Variants in SPINT2 observed in about 807,000 individuals in gnomAD.
The protein encoded by SPINT2 is serine peptidase inhibitor, Kunitz type 2.
SPINT2 carries 18 observed loss-of-function variants against 30.1 expected under a neutral mutation model. That is an observed-to-expected ratio of 0.60 (90% CI 0.41 to 0.89). The LOEUF (loss-of-function observed/expected upper bound fraction) is 0.89. SPINT2 is among the 40% of genes least tolerant of loss of function. The probability of loss-of-function intolerance (pLI) is 0.00; values close to 1 mark genes in which losing one functional copy is unlikely to be tolerated. For synonymous variants in SPINT2, 139 were observed against 137.9 expected (o/e 1.01, Z -0.05); for missense variants, 276 against 334.3 (o/e 0.83, Z 1.36).
At chr19:38,286,812 A>T (rs1968647505) in intron 2 of SPINT2, among the ~76,000 whole-genome samples, 1 of 152,016 alleles carries the variant, frequency 6.6e-6, no homozygotes, top group African/African-American at 2.4e-5. Context: ...GTTAACCTTT[A>T]AAAAAAGTGT....
At chr19:38,285,490 G>A (rs1360147365) in intron 2 of SPINT2, among the ~76,000 whole-genome samples, 12 of 152,064 alleles carry the variant, frequency 7.9e-5, no homozygotes, top group South Asian at 2.1e-4. Flanking sequence ...GACTACAGGC[G>A]TGCACCTCCA....
At chr19:38,267,955 C>T (rs1432654305) in intron 1 of SPINT2, among the ~76,000 whole-genome samples, 3 of 151,996 alleles carry the variant, frequency 2.0e-5, no homozygotes, top group African/African-American at 4.8e-5. Context: ...GGAAGGGCCC[C>T]AGGAGGTGTG....
At chr19:38,276,634 T>A (rs1968521943) in intron 1 of SPINT2, among the ~76,000 whole-genome samples, 1 of 151,600 alleles carries the variant, frequency 6.6e-6, no homozygotes, top group African/African-American at 2.4e-5. Flanking sequence ...AGAGCGAGAC[T>A]CCATCTCAAA....
chr19:38,275,661 G>A (rs1968508124), intron 1 of SPINT2, among the ~76,000 whole-genome samples: 1 of 151,868 alleles, frequency 6.6e-6, no homozygotes. Flanking sequence ...GACCTCAAAT[G>A]ATCCTCCTGC....
At position 38,292,390 on chromosome 19, in the gene SPINT2, C is replaced by A. The variant is rs1047592; in HGVS notation, c.*384C>A. On this transcript the variant is annotated 3_prime_UTR_variant, in exon 7 of 7. Coordinates refer to ENST00000301244, the MANE Select transcript of SPINT2 (RefSeq NM_021102.4). Reference sequence around the variant, plus strand: ...TAAACAAAAGTTTTTTATTAGCATTCTGAAAGAAGGAAAGTAAAATGTACA... The same window carrying A: ...TAAACAAAAGTTTTTTATTAGCATTATGAAAGAAGGAAAGTAAAATGTACA... The A allele has an allele frequency of 5.8e-6, 1 of 173,846 alleles. No homozygotes were observed. The highest frequency in any genetic ancestry group is 1.5e-4 in the East Asian group (1 of 6,536). 10.8% of individuals were successfully genotyped at this position (173,846 alleles called of 1,614,324 possible). A position where few individuals can be genotyped will look rare whatever the true frequency, so the allele number is the denominator to read the frequency against.
chr19:38,268,995 T>C (rs1254207128), intron 1 of SPINT2, among the ~76,000 whole-genome samples: 1 of 152,226 alleles, frequency 6.6e-6, no homozygotes, highest in Admixed American at 6.5e-5. Flanking sequence ...CAGTTAGGTG[T>C]AGTTCTTGCT....
chr19:38,289,224 C>T, intron 4 of SPINT2, 33 bp downstream of exon 4: 1 of 1,602,480 alleles, frequency 6.2e-7, no homozygotes, highest in Non-Finnish European at 8.5e-7. Context: ...TGCGGTGGCT[C>T]ACACCTGTAA....
intron 1 of SPINT2, 81 bp downstream of exon 1, chr19:38,265,079 C>A: frequency 9.4e-7 from 1 of 1,062,654 alleles, no homozygotes; most frequent in South Asian, 2.1e-5. Context: ...GCAGGGAGAA[C>A]TGGCGGGGGA....
intron 6 of SPINT2, chr19:38,291,118 C>T (rs1218677347): frequency 4.9e-6 from 1 of 202,762 alleles, no homozygotes; most frequent in East Asian, 1.2e-4. Context: ...GCGAGTCTGT[C>T]CTGTTCTAGC....
intron 1 of SPINT2, among the ~76,000 whole-genome samples, chr19:38,267,168 T>C (rs1968389144): frequency 1.3e-5 from 2 of 152,222 alleles, no homozygotes; most frequent in Non-Finnish European, 2.9e-5. Context: ...TACTGACCTT[T>C]CAGAAGTACT....
chr19:38,292,222 C>G lies in SPINT2; in HGVS notation c.*216C>G. 3.5e-6 allele frequency: 2 copies of G among 577,108 alleles called. No individual in the cohort carries two copies. Among genetic ancestry groups the G allele is most frequent in the Middle Eastern group, 4.8e-4 (1 of 2,090 alleles). The allele number at this position is 577,108 out of a possible 1,614,324, so 35.7% of individuals were successfully genotyped here. On this transcript the variant is annotated 3_prime_UTR_variant, in exon 7 of 7. Transcript: ENST00000301244. The stretch of plus-strand genomic sequence containing the variant: ...ATGGCCTGCAGTCTGGCAGCAGCCC[C>G]GAGTTGTTTCCTCGCTGATCGATTT...
At chr19:38,273,720 G>T (rs1256576517) in intron 1 of SPINT2, among the ~76,000 whole-genome samples, 1 of 152,164 alleles carries the variant, frequency 6.6e-6, no homozygotes. Context: ...GTTTGCCATT[G>T]TCTTCCTCCA....
At chr19:38,287,826 G>A (rs778373459) in intron 2 of SPINT2, 50 bp from the exon 3 acceptor site, 1 of 1,600,042 alleles carries the variant, frequency 6.2e-7, no homozygotes, top group Admixed American at 1.7e-5. Context: ...TTTGTCCCTG[G>A]CAGTCTCTCG....
At chr19:38,276,581 T>C (rs1211883167) in intron 1 of SPINT2, among the ~76,000 whole-genome samples, 1 of 151,494 alleles carries the variant, frequency 6.6e-6, no homozygotes, top group Non-Finnish European at 1.5e-5. Flanking sequence ...GGCGGAGCTT[T>C]CAGTGAGCCA....
chr19:38,272,379 G>A (rs1300142389), intron 1 of SPINT2, among the ~76,000 whole-genome samples: 1 of 152,092 alleles, frequency 6.6e-6, no homozygotes, highest in Admixed American at 6.6e-5. Context: ...AAATTTTGTG[G>A]GGCGATTAGG....
At chr19:38,266,179 A>C (rs1968375802) in intron 1 of SPINT2, among the ~76,000 whole-genome samples, 1 of 152,156 alleles carries the variant, frequency 6.6e-6, no homozygotes, top group Non-Finnish European at 1.5e-5. Context: ...GGGAAAAGAC[A>C]GAGCCAGCCT....
intron 1 of SPINT2, among the ~76,000 whole-genome samples, chr19:38,273,170 GA>G (rs1416582130): frequency 1.3e-5 from 2 of 150,392 alleles, no homozygotes; most frequent in South Asian, 2.1e-4. Context: ...GTTTTTTTTT[GA>G]AAGGTTCTGA....
chr19:38,265,134 C>T (rs1229001814), intron 1 of SPINT2, 136 bp downstream of exon 1: 2 of 762,320 alleles, frequency 2.6e-6, no homozygotes, highest in African/African-American at 3.5e-5. Context: ...TGTGGTGGAA[C>T]CAGCCCTGGA....
chr19:38,272,355 T>G (rs1568339061), intron 1 of SPINT2, among the ~76,000 whole-genome samples: 1 of 152,126 alleles, frequency 6.6e-6, no homozygotes, highest in Non-Finnish European at 1.5e-5. Flanking sequence ...ATATATAGTA[T>G]GTCTGTGGTG....
Sources: allele counts gnomAD v4.1 joint callset (sites outside exome capture counted in the v4.1 genomes callset), GRCh38; gene constraint gnomAD v4.1.1; transcripts MANE v1.5; gene names NCBI Gene and HGNC (gene_info 2026-07-23, HGNC 2026-07-21).